The following DNAI3 variants were observed in gnomAD, a reference collection of about 807,000 sequenced individuals.
DNAI3 encodes the protein dynein axonemal intermediate chain 3.
DNAI3 carries 83 observed loss-of-function variants against 115.5 expected under a neutral mutation model. That is an observed-to-expected ratio of 0.72 (90% CI 0.60 to 0.86). DNAI3 has a LOEUF of 0.86. DNAI3 is among the 40% of genes least tolerant of loss of function. The probability of loss-of-function intolerance (pLI) is 0.00; values close to 1 mark genes in which losing one functional copy is unlikely to be tolerated. For missense variants in DNAI3, 1,004 were observed against 1,075.8 expected (o/e 0.93, Z 0.93); for synonymous variants, 320 against 347.0 (o/e 0.92, Z 0.86).
chr1:85,100,180 C>A (rs1160047862), intron 13 of DNAI3, among the ~76,000 whole-genome samples: 1 of 152,144 alleles, frequency 6.6e-6, no homozygotes, highest in Non-Finnish European at 1.5e-5. Flanking sequence ...TCAGAGTGAA[C>A]AGGCAACCTA....
Position 85,081,266 on chromosome 1 carries a change from A to G in DNAI3, c.136A>G (p.Thr46Ala). The change falls in exon 4 of 23, where the codon ACC (threonine) becomes GCC (alanine). Residue 46 changes from threonine to alanine, a missense_variant. Transcript: ENST00000294664. ...HPEIYPLVLT[T>A]KTQEIFNCRI... ...AGAAATTTATCCTTTAGTATTAACCACCAAGACCCAAGAAATATTTAACTG... is the reference window on the plus strand; with the variant it reads ...AGAAATTTATCCTTTAGTATTAACCGCCAAGACCCAAGAAATATTTAACTG... 8.1e-6 allele frequency: 13 copies of G among 1,600,236 alleles called. No individual in the cohort carries two copies. Among genetic ancestry groups the G allele is most frequent in the Non-Finnish European group, 1.1e-5 (13 of 1,175,980 alleles).
At chr1:85,115,646 C>A (rs79558638) in intron 16 of DNAI3, among the ~76,000 whole-genome samples, 6,969 of 152,136 alleles carry the variant, frequency 0.046, 190 homozygotes, top group Non-Finnish European at 0.065. Context: ...CCTTCCCCAA[C>A]CTTTTTTGCA....
intron 3 of DNAI3, among the ~76,000 whole-genome samples, chr1:85,077,486 T>C (rs1004161258): frequency 6.6e-6 from 1 of 152,228 alleles, no homozygotes; most frequent in Non-Finnish European, 1.5e-5. Flanking sequence ...TCTTAAAGAT[T>C]TTTTTCTTTT....
intron 6 of DNAI3, among the ~76,000 whole-genome samples, chr1:85,085,433 G>A (rs1654773158): frequency 6.6e-6 from 1 of 152,184 alleles, no homozygotes; most frequent in African/African-American, 2.4e-5. Context: ...TATGGAGGAA[G>A]GCCTGCCAGG....
chr1:85,124,189 T>A lies in DNAI3; in HGVS notation c.2050T>A (p.Tyr684Asn), dbSNP rs368100900. 16 of 1,614,082 alleles carry A rather than the reference T, an allele frequency of 9.9e-6. No homozygotes were observed. The highest frequency in any genetic ancestry group is 2.7e-5 in the African/African-American group (2 of 74,926). ...CCACACTATTCAGAGATCACCTTTC[T>A]ACAACGACATTATTCTCACGGTTGG... ...TVHTIQRSPF[Y>N]NDIILTVGGW... The change falls in exon 19 of 23, where the codon TAC becomes AAC. Residue 684 changes from tyrosine to asparagine, a missense_variant. Tyr to Asn is a moderately radical substitution (Grantham distance 143). Around this residue, in one of 3 missense-constraint regions of DNAI3, gnomAD observed 429 missense variants for 454.3 expected, o/e 0.94. Coordinates refer to ENST00000294664, the MANE Select transcript of DNAI3 (RefSeq NM_145172.5).
chr1:85,096,123 A>G, intron 11 of DNAI3, 103 bp downstream of exon 11: 1 of 1,050,998 alleles, frequency 9.5e-7, no homozygotes, highest in South Asian at 1.3e-5. Flanking sequence ...ATTCAGCAGA[A>G]GGAAGGCATG....
chr1:85,104,433 T>C, intron 13 of DNAI3, 91 bp from the exon 14 acceptor site: 2 of 1,160,262 alleles, frequency 1.7e-6, no homozygotes, highest in Non-Finnish European at 2.5e-6. Flanking sequence ...TATGTTCTTT[T>C]ATTAACATTT....
At chr1:85,072,528 G>C (rs1364534656) in intron 2 of DNAI3, among the ~76,000 whole-genome samples, 1 of 151,424 alleles carries the variant, frequency 6.6e-6, no homozygotes, top group Non-Finnish European at 1.5e-5. Context: ...TGTAATCCCA[G>C]CTACTCAGGA....
chr1:85,121,901 C>A, intron 18 of DNAI3, 87 bp downstream of exon 18: 2 of 1,425,004 alleles, frequency 1.4e-6, no homozygotes, highest in Non-Finnish European at 2.0e-6. Flanking sequence ...CAGAGTCACC[C>A]TGGTCTTGCT....
chr1:85,108,242 G>T, intron 15 of DNAI3, 65 bp downstream of exon 15: 1 of 1,451,038 alleles, frequency 6.9e-7, no homozygotes, highest in Non-Finnish European at 9.1e-7. Context: ...TGCATGCATA[G>T]ACATACATAT....
At chr1:85,092,275 T>A (rs1655000888) in intron 8 of DNAI3, among the ~76,000 whole-genome samples, 5 of 152,284 alleles carry the variant, frequency 3.3e-5, no homozygotes, top group Admixed American at 3.3e-4. Flanking sequence ...AAGGGAGGAC[T>A]CAATTAGGCA....
At chr1:85,080,080 C>G (rs1571161294) in intron 3 of DNAI3, among the ~76,000 whole-genome samples, 3 of 106,768 alleles carry the variant, frequency 2.8e-5, no homozygotes, top group Admixed American at 1.4e-4. Flanking sequence ...GAGACAGAGT[C>G]TCCCTCTGTT....
At chr1:85,071,838 A>G in intron 1 of DNAI3, 90 bp from the exon 2 acceptor site, 1 of 1,251,188 alleles carries the variant, frequency 8.0e-7, no homozygotes, top group South Asian at 1.4e-5. Context: ...ACATATTCTT[A>G]TGTTTATTAA....
At chr1:85,065,273 A>G (rs953190411) in intron 1 of DNAI3, among the ~76,000 whole-genome samples, 9 of 152,130 alleles carry the variant, frequency 5.9e-5, no homozygotes, top group Non-Finnish European at 8.8e-5. Context: ...CAGGCAACAA[A>G]TGAGAGCATG....
chr1:85,096,318 C>T (rs1310611067), intron 11 of DNAI3, among the ~76,000 whole-genome samples: 1 of 151,990 alleles, frequency 6.6e-6, no homozygotes, highest in Non-Finnish European at 1.5e-5. Flanking sequence ...ACAAAAGCTA[C>T]AAGCATTACT....
intron 3 of DNAI3, among the ~76,000 whole-genome samples, chr1:85,074,813 T>C (rs144394120): frequency 2.2e-4 from 34 of 152,346 alleles, no homozygotes; most frequent in African/African-American, 7.7e-4. Context: ...TTTATGTGTA[T>C]TTCTGTTTAA....
At chr1:85,093,017 G>A (rs773999817) in intron 8 of DNAI3, among the ~76,000 whole-genome samples, 23 of 152,198 alleles carry the variant, frequency 1.5e-4, no homozygotes, top group East Asian at 7.7e-4. Flanking sequence ...AGAGGCAGAC[G>A]TTTACTGAGG....
intron 1 of DNAI3, among the ~76,000 whole-genome samples, chr1:85,070,264 A>T (rs892721927): frequency 2.3e-4 from 35 of 152,302 alleles, no homozygotes; most frequent in Middle Eastern, 3.4e-3. Context: ...CTGTCTCAAA[A>T]AAAATAAAAT....
At position 85,131,458 on chromosome 1, in the gene DNAI3, A is replaced by T. The variant is rs1000650433; in HGVS notation, c.2532+1346A>T. 5.4e-5 allele frequency among the ~76,000 whole-genome samples: 8 copies of T among 148,656 alleles called. 1 individual carries two copies. The highest frequency in any genetic ancestry group is 7.5e-5 in the African/African-American group (3 of 40,150). ...AAACTCCATCTCAAAAAAAAAAAAA[A>T]AAAAATAAAGCATTAGCATGTGGAA... On this transcript the variant is annotated intron_variant, in intron 22 of 22. Transcript: ENST00000294664.
Sources: allele counts gnomAD v4.1 joint callset (sites outside exome capture counted in the v4.1 genomes callset), GRCh38; gene constraint gnomAD v4.1.1; regional missense constraint gnomAD v4.1.1; transcripts MANE v1.5; gene names NCBI Gene and HGNC (gene_info 2026-07-23, HGNC 2026-07-21).